ZYG11A: variants seen among roughly 807,000 people sequenced by gnomAD.
ZYG11A encodes the protein protein zyg-11 homolog A.
A neutral mutation model predicts 77.2 loss-of-function variants in ZYG11A; 62 were observed. That is an observed-to-expected ratio of 0.80 (90% CI 0.65 to 0.99). ZYG11A has a LOEUF of 0.99. ZYG11A is among the 50% of genes least tolerant of loss of function. The probability of loss-of-function intolerance (pLI) is 0.00; values close to 1 mark genes in which losing one functional copy is unlikely to be tolerated. For synonymous variants in ZYG11A, 315 were observed against 324.6 expected (o/e 0.97, Z 0.32); for missense variants, 828 against 896.8 (o/e 0.92, Z 0.98).
At chr1:52,877,585 G>A in intron 8 of ZYG11A, 97 bp from the exon 9 acceptor site, 1 of 1,068,526 alleles carries the variant, frequency 9.4e-7, no homozygotes, top group Non-Finnish European at 1.3e-6. Context: ...CTTGGGTTTA[G>A]AACCGAGGTT....
intron 1 of ZYG11A, among the ~76,000 whole-genome samples, chr1:52,853,752 C>CAAAA: frequency 6.6e-6 from 1 of 151,900 alleles, no homozygotes; most frequent in Non-Finnish European, 1.5e-5. Flanking sequence ...AATAAACCTA[C>CAAAA]AAAAAATTAG....
At chr1:52,854,076 A>G (rs76817120) in intron 1 of ZYG11A, among the ~76,000 whole-genome samples, 2,496 of 152,270 alleles carry the variant, frequency 0.016, 75 homozygotes, top group African/African-American at 0.056. Flanking sequence ...TAAACAATAC[A>G]GTATAAAGGA....
intron 1 of ZYG11A, among the ~76,000 whole-genome samples, chr1:52,844,766 C>G (rs1330597535): frequency 1.3e-5 from 2 of 151,854 alleles, no homozygotes; most frequent in African/African-American, 4.8e-5. Context: ...CGTGCCCGGC[C>G]AGCAAATATT....
intron 1 of ZYG11A, among the ~76,000 whole-genome samples, chr1:52,847,181 C>T (rs1290257702): frequency 6.6e-6 from 1 of 152,180 alleles, no homozygotes; most frequent in Admixed American, 6.5e-5. Flanking sequence ...ATTCTCCTGC[C>T]TCAGCCTCCT....
chr1:52,884,815 T>C (rs1646419712), intron 11 of ZYG11A, among the ~76,000 whole-genome samples: 1 of 152,180 alleles, frequency 6.6e-6, no homozygotes, highest in Admixed American at 6.5e-5. Flanking sequence ...TTTATGGGGT[T>C]GCCCAGTCCA....
chr1:52,843,135 T>C (rs533935), intron 1 of ZYG11A, among the ~76,000 whole-genome samples, 162 bp downstream of exon 1: 74,502 of 151,804 alleles, frequency 0.49, 19,353 homozygotes, highest in Middle Eastern at 0.62. Context: ...CAGGCGTCGC[T>C]GCGGAGGTGC....
intron 3 of ZYG11A, among the ~76,000 whole-genome samples, chr1:52,858,134 C>A (rs912514459): frequency 2.0e-5 from 3 of 150,444 alleles, no homozygotes; most frequent in Non-Finnish European, 4.4e-5. Flanking sequence ...TGGTGGCTCA[C>A]ACCTGTAATC....
intron 4 of ZYG11A, 58 bp downstream of exon 4, chr1:52,860,929 GT>G: frequency 6.8e-7 from 1 of 1,460,414 alleles, no homozygotes; most frequent in Non-Finnish European, 9.4e-7. Flanking sequence ...ATTAATAATT[GT>G]TCACGAACCA....
At chr1:52,853,262 T>C (rs113842313) in intron 1 of ZYG11A, among the ~76,000 whole-genome samples, 139 of 152,372 alleles carry the variant, frequency 9.1e-4, no homozygotes, top group African/African-American at 3.3e-3. Flanking sequence ...GTATGGTTTC[T>C]ACTTTATACC....
chr1:52,870,196 G>C (rs182519711), intron 8 of ZYG11A, among the ~76,000 whole-genome samples: 1,083 of 66,008 alleles, frequency 0.016, 24 homozygotes, highest in African/African-American at 0.034. Context: ...TGGCGGCCGG[G>C]AAGAGACGCT....
chr1:52,867,827 A>T, intron 8 of ZYG11A, 50 bp downstream of exon 8: 1 of 1,443,238 alleles, frequency 6.9e-7, no homozygotes, highest in Non-Finnish European at 9.4e-7. Flanking sequence ...AGTCAAATTT[A>T]TGATTATAGC....
At chr1:52,881,241 C>T (rs1047615465) in intron 10 of ZYG11A, 1 of 375,762 alleles carries the variant, frequency 2.7e-6, no homozygotes, top group Non-Finnish European at 4.8e-6. Flanking sequence ...TTTTATTTAT[C>T]TAGTACTGTG....
In ZYG11A at chr1:52,842,846, G is replaced by C. The variant is rs767262932; in HGVS notation, c.-38G>C. 1.3e-6 allele frequency: 2 copies of C among 1,520,516 alleles called. No individual in the cohort carries two copies. The highest frequency in any genetic ancestry group is 2.7e-5 in the East Asian group (1 of 37,484). The allele number at this position is 1,520,516 out of a possible 1,614,324, so 94.2% of individuals were successfully genotyped here. On this transcript the variant is annotated 5_prime_UTR_variant, in exon 1 of 14. Transcript: ENST00000371528. The stretch of plus-strand genomic sequence containing the variant: ...CGCGGGATCCGGGCTCCGGCTCGAC[G>C]CCGGCTCTCTTTTTGACGCCCCGCC...
intron 8 of ZYG11A, among the ~76,000 whole-genome samples, chr1:52,877,279 A>G (rs1253764193): frequency 1.3e-5 from 2 of 152,264 alleles, no homozygotes; most frequent in Middle Eastern, 3.4e-3. Context: ...TGTTTTCATC[A>G]GACAACCAAA....
chr1:52,844,067 G>T (rs1645513554), intron 1 of ZYG11A, among the ~76,000 whole-genome samples: 1 of 152,176 alleles, frequency 6.6e-6, no homozygotes, highest in Admixed American at 6.5e-5. Context: ...ATGTAGGGAA[G>T]TTGGGAGCTC....
At chr1:52,884,686 G>A (rs1646417706) in intron 11 of ZYG11A, among the ~76,000 whole-genome samples, 1 of 152,114 alleles carries the variant, frequency 6.6e-6, no homozygotes, top group Non-Finnish European at 1.5e-5. Flanking sequence ...TTAATTGTCA[G>A]TAGTCTGAAA....
chr1:52,843,108 CG>C lies in ZYG11A; in HGVS notation c.90+136del, dbSNP rs1243657250. ...CCGCGCGGGGCTGCGGTCTAGATGC[CG>C]AGCCCCTTCCAGGCGCAGGCGTCGC... On this transcript the variant is annotated intron_variant, in intron 1 of 13. Coordinates refer to ENST00000371528, the MANE Select transcript of ZYG11A (RefSeq NM_001004339.3). The C allele has an allele frequency of 1.5e-5, 10 of 676,790 alleles. No homozygotes were observed. In the African/African-American group the frequency reaches 1.5e-4, roughly 10 times the overall value. The allele number at this position is 676,790 out of a possible 1,614,324, so 41.9% of individuals were successfully genotyped here.
intron 11 of ZYG11A, 160 bp downstream of exon 11, chr1:52,881,825 AT>A (rs1178594966): frequency 1.3e-5 from 7 of 556,822 alleles, no homozygotes; most frequent in Non-Finnish European, 2.1e-5. Context: ...CTCTGTTAAC[AT>A]TTTGTTGCAT....
chr1:52,874,068 T>G (rs1646218385), intron 8 of ZYG11A, among the ~76,000 whole-genome samples: 1 of 147,982 alleles, frequency 6.8e-6, no homozygotes, highest in African/African-American at 2.5e-5. Flanking sequence ...CAAACATCAT[T>G]GCTATCTTAA....
Sources: gnomAD v4.1 joint callset for allele counts (sites outside exome capture counted in the v4.1 genomes callset) on GRCh38, gnomAD v4.1.1 for gene constraint, MANE v1.5 for transcripts, NCBI Gene and HGNC (gene_info 2026-07-23, HGNC 2026-07-21) for gene names.